The following ENTREP2 variants were observed in gnomAD, a reference collection of about 807,000 sequenced individuals.
ENTREP2 encodes protein ENTREP2.
At chr15:29,648,364 T>C in the ENTREP2 span, among the ~76,000 whole-genome samples, 1 of 152,202 alleles carries the variant, frequency 6.6e-6, no homozygotes, top group Non-Finnish European at 1.5e-5. Context: ...CAGTCCATAC[T>C]ACTGACAAGC....
At chr15:29,658,129 G>C in the ENTREP2 span, among the ~76,000 whole-genome samples, 2 of 151,928 alleles carry the variant, frequency 1.3e-5, no homozygotes, top group African/African-American at 4.8e-5. Context: ...CACATGTCTT[G>C]GGGGGGACCA....
chr15:29,641,266 T>C, the ENTREP2 span, among the ~76,000 whole-genome samples: 1 of 152,200 alleles, frequency 6.6e-6, no homozygotes, highest in Non-Finnish European at 1.5e-5. Context: ...AGATGTCTGT[T>C]CTTGCCACCT....
the ENTREP2 span, among the ~76,000 whole-genome samples, chr15:29,570,353 G>A: frequency 1.3e-5 from 2 of 151,728 alleles, no homozygotes; most frequent in Non-Finnish European, 2.9e-5. Context: ...TCTGCTCGGA[G>A]TTTCGAACTG....
At chr15:29,261,498 A>G in the ENTREP2 span, among the ~76,000 whole-genome samples, 1 of 152,244 alleles carries the variant, frequency 6.6e-6, no homozygotes, top group Non-Finnish European at 1.5e-5. Context: ...CTGGGCAACA[A>G]GCAAACTTCT....
At chr15:29,215,260 G>A in the ENTREP2 span, among the ~76,000 whole-genome samples, 1 of 152,090 alleles carries the variant, frequency 6.6e-6, no homozygotes, top group Non-Finnish European at 1.5e-5. Context: ...TGTCTGTGAG[G>A]GTGTTGCCAA....
chr15:29,232,901 T>C, the ENTREP2 span, among the ~76,000 whole-genome samples: 1 of 152,208 alleles, frequency 6.6e-6, no homozygotes, highest in Non-Finnish European at 1.5e-5. Flanking sequence ...TCACAATATA[T>C]TTAAAATACT....
chr15:29,426,544 A>ATGTTG, the ENTREP2 span, among the ~76,000 whole-genome samples: 1 of 152,018 alleles, frequency 6.6e-6, no homozygotes. Context: ...TAATTTCCCC[A>ATGTTG]TCTTGTCTCA....
At chr15:29,411,999 G>A in the ENTREP2 span, among the ~76,000 whole-genome samples, 1 of 152,104 alleles carries the variant, frequency 6.6e-6, no homozygotes, top group African/African-American at 2.4e-5. Context: ...CTTATACGTG[G>A]TAGCATAAAT....
chr15:29,124,508 A>G, the ENTREP2 span, among the ~76,000 whole-genome samples: 1 of 152,070 alleles, frequency 6.6e-6, no homozygotes, highest in African/African-American at 2.4e-5. Flanking sequence ...AGCCCTGGAT[A>G]TAAGTGCACC....
the ENTREP2 span, among the ~76,000 whole-genome samples, chr15:29,596,686 TA>T: frequency 6.6e-6 from 1 of 152,128 alleles, no homozygotes. Context: ...TATTTTTTTT[TA>T]GACAGATTCT....
the ENTREP2 span, among the ~76,000 whole-genome samples, chr15:29,405,957 A>C: frequency 6.6e-6 from 1 of 152,256 alleles, no homozygotes; most frequent in Non-Finnish European, 1.5e-5. Flanking sequence ...TAGGAAAGGC[A>C]GATAAGCTGA....
chr15:29,158,651 A>G, the ENTREP2 span, among the ~76,000 whole-genome samples: 3 of 152,174 alleles, frequency 2.0e-5, no homozygotes, highest in Non-Finnish European at 4.4e-5. Context: ...AAGTTTTATC[A>G]GAGTCCTTTA....
the ENTREP2 span, among the ~76,000 whole-genome samples, chr15:29,138,618 TATGTGTATGTGC>T: frequency 7.1e-6 from 1 of 141,502 alleles, no homozygotes; most frequent in African/African-American, 2.8e-5. Context: ...TGTTTGTATG[TATGTGTATGTGC>T]ATGTGTATAT....
chr15:29,332,610 A>G, the ENTREP2 span, among the ~76,000 whole-genome samples: 1 of 152,180 alleles, frequency 6.6e-6, no homozygotes, highest in African/African-American at 2.4e-5. Flanking sequence ...AATAGTGCCC[A>G]ATGCATCGCC....
chr15:29,321,306 A>G, the ENTREP2 span, among the ~76,000 whole-genome samples: 2 of 152,208 alleles, frequency 1.3e-5, no homozygotes, highest in South Asian at 4.1e-4. Context: ...GTGATGAAAG[A>G]AGAAATCCCA....
chr15:29,123,306 G>T, the ENTREP2 span: 8 of 1,475,902 alleles, frequency 5.4e-6, no homozygotes, highest in South Asian at 5.5e-5. Context: ...GTGGCGCCAG[G>T]CGTTGGTGTC....
At chr15:29,362,667 G>T in the ENTREP2 span, among the ~76,000 whole-genome samples, 1 of 152,110 alleles carries the variant, frequency 6.6e-6, no homozygotes, top group African/African-American at 2.4e-5. Flanking sequence ...GAGCCACCGC[G>T]TCCGGCCCCT....
the ENTREP2 span, among the ~76,000 whole-genome samples, chr15:29,477,129 G>A: frequency 6.6e-6 from 1 of 152,128 alleles, no homozygotes; most frequent in Non-Finnish European, 1.5e-5. Flanking sequence ...CAAACACACT[G>A]TTGAAAGTGT....
the ENTREP2 span, among the ~76,000 whole-genome samples, chr15:29,222,882 T>C: frequency 6.6e-5 from 10 of 152,364 alleles, no homozygotes; most frequent in Admixed American, 2.0e-4. Flanking sequence ...TTTATGAGTT[T>C]AAGTTTTTGT....
Sources: allele counts gnomAD v4.1 joint callset (sites outside exome capture counted in the v4.1 genomes callset), GRCh38; gene constraint gnomAD v4.1.1; transcripts MANE v1.5; gene names NCBI Gene and HGNC (gene_info 2026-07-23, HGNC 2026-07-21).